Variants in NAV2 observed in about 807,000 individuals in gnomAD.
NAV2 encodes the protein neuron navigator 2.
NAV2 carries 54 observed loss-of-function variants against 223.2 expected under a neutral mutation model. That is an observed-to-expected ratio of 0.24 (90% CI 0.19 to 0.30). The LOEUF (loss-of-function observed/expected upper bound fraction) is 0.30, where lower values mean the gene tolerates loss of function less well. Among genes scored for constraint, NAV2 ranks in the 10% least tolerant of loss-of-function variants. The probability of loss-of-function intolerance (pLI) is 1.00; values close to 1 mark genes in which losing one functional copy is unlikely to be tolerated. For synonymous variants in NAV2, 1,279 were observed against 1,239.3 expected (o/e 1.03, Z -0.67); for missense variants, 2,806 against 3,147.5 (o/e 0.89, Z 2.60).
rs867190681 is a variant in NAV2, at chr11:19,417,972, G to T, written c.75+66945G>T. On this transcript the variant is annotated intron_variant, in intron 1 of 37. Transcript: ENST00000360655. ...TATCACACACTGGGGCCTGTCAGGG[G>T]ATGGGCGTCTAGGGGAGGGATAGCA... 3.9e-5 allele frequency among the ~76,000 whole-genome samples: 6 copies of T among 152,246 alleles called. No individual in the cohort carries two copies. The South Asian group carries it at 8.3e-4, about 21-fold the overall frequency.
At chr11:19,895,669 C>T (rs1764256932) in intron 6 of NAV2, among the ~76,000 whole-genome samples, 1 of 152,122 alleles carries the variant, frequency 6.6e-6, no homozygotes, top group Admixed American at 6.5e-5. Flanking sequence ...ATGGTGGTCC[C>T]AGTCTGTAGA....
intron 1 of NAV2, among the ~76,000 whole-genome samples, chr11:19,816,439 C>T (rs1382207136): frequency 2.6e-5 from 4 of 152,248 alleles, no homozygotes; most frequent in African/African-American, 9.6e-5. Context: ...CTTCTCTAGT[C>T]CCTCTGTACC....
intron 1 of NAV2, among the ~76,000 whole-genome samples, chr11:19,554,942 C>T (rs775459737): frequency 3.7e-5 from 5 of 135,968 alleles, no homozygotes; most frequent in South Asian, 2.3e-4. Flanking sequence ...AGCGAAACTC[C>T]GAAAAAAAAA....
chr11:19,747,557 G>T (rs143078494), intron 1 of NAV2, among the ~76,000 whole-genome samples: 4 of 152,122 alleles, frequency 2.6e-5, no homozygotes, highest in African/African-American at 7.2e-5. Context: ...GAAGCATATC[G>T]CCAAGCAACC....
intron 22 of NAV2, among the ~76,000 whole-genome samples, chr11:20,072,134 C>A: frequency 6.6e-6 from 1 of 152,112 alleles, no homozygotes; most frequent in East Asian, 1.9e-4. Flanking sequence ...AGGAAGGGGT[C>A]CAGTTTCAGC....
chr11:19,771,720 A>G (rs942656646), intron 1 of NAV2, among the ~76,000 whole-genome samples: 19 of 152,136 alleles, frequency 1.2e-4, no homozygotes, highest in Non-Finnish European at 2.8e-4. Context: ...CCCTTTACAT[A>G]ATTCTTTATC....
chr11:19,698,132 C>T (rs887495178), intron 1 of NAV2, among the ~76,000 whole-genome samples: 5 of 152,150 alleles, frequency 3.3e-5, no homozygotes, highest in African/African-American at 9.7e-5. Flanking sequence ...CAGGAGAGAA[C>T]GGGGTGTAAT....
At chr11:19,636,039 T>G (rs1341422258) in intron 1 of NAV2, among the ~76,000 whole-genome samples, 12 of 152,230 alleles carry the variant, frequency 7.9e-5, no homozygotes, top group Non-Finnish European at 1.5e-5. Flanking sequence ...ATTATGCTCA[T>G]GAAATGACAA....
chr11:19,630,176 C>G (rs1449953864), intron 1 of NAV2, among the ~76,000 whole-genome samples: 10 of 152,086 alleles, frequency 6.6e-5, no homozygotes, highest in African/African-American at 2.4e-4. Context: ...AATTATATAT[C>G]ATTTGCTTCA....
At chr11:20,029,806 T>G (rs1445506142) in intron 11 of NAV2, among the ~76,000 whole-genome samples, 2 of 152,244 alleles carry the variant, frequency 1.3e-5, no homozygotes, top group Non-Finnish European at 2.9e-5. Flanking sequence ...GAAGGTTATT[T>G]TAAAATCTGA....
intron 1 of NAV2, among the ~76,000 whole-genome samples, chr11:19,802,600 A>T (rs1052100727): frequency 9.2e-5 from 14 of 152,036 alleles, no homozygotes; most frequent in African/African-American, 3.4e-4. Flanking sequence ...GGTTAAGAAT[A>T]GTACATCACC....
intron 3 of NAV2, among the ~76,000 whole-genome samples, chr11:19,852,170 T>G (rs2152979841): frequency 6.6e-6 from 1 of 152,328 alleles, no homozygotes; most frequent in African/African-American, 2.4e-5. Flanking sequence ...ATCTGTATTG[T>G]TTTAAGCCAC....
intron 3 of NAV2, among the ~76,000 whole-genome samples, chr11:19,860,195 G>A (rs1394935674): frequency 9.7e-5 from 14 of 143,942 alleles, no homozygotes; most frequent in South Asian, 9.0e-4. Flanking sequence ...CCTCCCAGAC[G>A]GGGTGGCTGC....
intron 6 of NAV2, among the ~76,000 whole-genome samples, chr11:19,932,476 A>G (rs1459175585): frequency 1.3e-5 from 2 of 151,940 alleles, no homozygotes; most frequent in African/African-American, 2.4e-5. Context: ...GTGCCACCAC[A>G]CCCAGCTAAT....
chr11:20,003,094 A>G (rs1018531463), intron 11 of NAV2, among the ~76,000 whole-genome samples: 8 of 152,206 alleles, frequency 5.3e-5, no homozygotes, highest in Admixed American at 2.0e-4. Context: ...GGCAGAGCCC[A>G]GAAAACAAAC....
chr11:19,818,746 G>C (rs1274650315), intron 1 of NAV2, among the ~76,000 whole-genome samples: 2 of 152,174 alleles, frequency 1.3e-5, no homozygotes, highest in African/African-American at 2.4e-5. Flanking sequence ...CTACTACCAA[G>C]CTACTGAAAT....
intron 1 of NAV2, among the ~76,000 whole-genome samples, chr11:19,362,763 G>T (rs780571173): frequency 6.6e-6 from 1 of 152,026 alleles, no homozygotes; most frequent in Admixed American, 6.5e-5. Context: ...ATAACATAGG[G>T]TAATAATAGT....
chr11:19,412,334 C>T (rs539027068), intron 1 of NAV2, among the ~76,000 whole-genome samples: 2 of 152,326 alleles, frequency 1.3e-5, no homozygotes, highest in South Asian at 2.1e-4. Flanking sequence ...GAGCCCACCA[C>T]AGCTCAAAAA....
At chr11:19,515,055 C>T (rs186868406) in intron 1 of NAV2, among the ~76,000 whole-genome samples, 1 of 152,270 alleles carries the variant, frequency 6.6e-6, no homozygotes, top group Admixed American at 6.5e-5. Flanking sequence ...GGTACCGGCT[C>T]TGAATATGAC....
Sources: gnomAD v4.1 joint callset for allele counts (sites outside exome capture counted in the v4.1 genomes callset) on GRCh38, gnomAD v4.1.1 for gene constraint, MANE v1.5 for transcripts, NCBI Gene and HGNC (gene_info 2026-07-23, HGNC 2026-07-21) for gene names.